TAS2R42: variants seen among roughly 807,000 people sequenced by gnomAD.
TAS2R42 encodes the protein taste receptor type 2 member 42.
For missense variants in TAS2R42, 356 were observed against 356.9 expected (o/e 1.00, Z 0.02); for synonymous variants, 138 against 133.0 (o/e 1.04, Z -0.26).
At position 11,186,380 on chromosome 12, in the gene TAS2R42, G is replaced by A; in HGVS notation, c.558C>T (p.Ser186=). Residue 186 remains serine, a synonymous_variant, in exon 1 of 1, where the codon AGC becomes AGT. Coordinates refer to ENST00000334266, the MANE Select transcript of TAS2R42 (RefSeq NM_181429.2). ...GAGAAAAGGGGATAAAACTGGTCAA[G>A]CTGAGAAGAGTTTTTAAAATAGAGA... ...DKLSILKTLL[S]LTSFIPFSLF... 6.2e-7 allele frequency: 1 copy of A among 1,608,370 alleles called. No homozygotes were observed. Among genetic ancestry groups the A allele is most frequent in the Non-Finnish European group, 8.5e-7 (1 of 1,176,030 alleles).
At position 11,186,536 on chromosome 12, in the gene TAS2R42, A is replaced by G. The variant is rs188180150; in HGVS notation, c.402T>C (p.Leu134=). ...AAATCAGTAAGAACAAAGACAATAT[A>G]AGAAGCATAACAATCATTCCGTTCA... ...WRMNGMIVML[L]ILSLFLLIFD... is the part of the protein sequence containing the mutation. The change falls in exon 1 of 1, where the codon CTT becomes CTC. Residue 134 remains leucine (L), a synonymous_variant. Coordinates refer to ENST00000334266, the MANE Select transcript of TAS2R42 (RefSeq NM_181429.2). 2 of 1,613,882 alleles carry G rather than the reference A, an allele frequency of 1.2e-6. No homozygotes were observed. The highest frequency in any genetic ancestry group is 2.2e-5 in the East Asian group (1 of 44,860).
In TAS2R42 at chr12:11,186,825, T is replaced by C. The variant is rs1948030533; in HGVS notation, c.113A>G (p.Asn38Ser). ...GAAGTCAGCTGAGAAGACCTTTTGG[T>C]TCTTGATCCCTTCAGAGCAGTTTAC... The part of the protein sequence containing the change: ...GLVNCSEGIK[N>S]QKVFSADFIL... Residue 38 changes from asparagine to serine, a missense_variant, in exon 1 of 1, where the codon AAC (asparagine) becomes AGC (serine). Transcript: ENST00000334266. 1 of 1,614,122 alleles carries C rather than the reference T, an allele frequency of 6.2e-7. No individual in the cohort carries two copies. Among genetic ancestry groups the C allele is most frequent in the Non-Finnish European group, 8.5e-7 (1 of 1,179,986 alleles).
chr12:11,186,004 A>G lies in TAS2R42; in HGVS notation c.934T>C (p.Leu312=). 2 of 1,597,120 alleles carry G rather than the reference A, an allele frequency of 1.3e-6. No individual in the cohort carries two copies. The highest frequency in any genetic ancestry group is 2.3e-5 in the South Asian group (2 of 88,244). The change falls in exon 1 of 1, where the codon TTA becomes CTA. Residue 312 remains leucine, a synonymous_variant. Transcript: ENST00000334266. ...LRNYTKTPNP[L]PL is the part of the protein sequence containing the mutation. ...TCTGTAAAGTCTGTCTACAAAGGTAAAGGGTTTGGTGTTTTTGTATAGTTC... is the reference window on the plus strand; with the variant it reads ...TCTGTAAAGTCTGTCTACAAAGGTAGAGGGTTTGGTGTTTTTGTATAGTTC...
In TAS2R42 at chr12:11,186,184, C is replaced by A; in HGVS notation, c.754G>T (p.Val252Leu). The change falls in exon 1 of 1, where the codon GTG becomes TTG. Residue 252 changes from valine (V) to leucine (L), a missense_variant. Val to Leu is a conservative substitution (Grantham distance 32, BLOSUM62 1). Transcript: ENST00000334266. ...LFIVHFFSLQ[V>L]ANWIFFMLWN... ...AACATAAAAAATATCCAATTGGCCA[C>A]TTGTAAGGAAAAAAAATGAACTATG... 1 of 1,613,160 alleles carries A rather than the reference C, an allele frequency of 6.2e-7. No homozygotes were observed. The highest frequency in any genetic ancestry group is 8.5e-7 in the Non-Finnish European group (1 of 1,179,718).
At position 11,186,008 on chromosome 12, in the gene TAS2R42, G is replaced by A. The variant is rs1669411; in HGVS notation, c.930C>T (p.Asn310=). The A allele has an allele frequency of 0.17, 270,445 of 1,601,266 alleles. 29,573 individuals carry two copies. Among genetic ancestry groups the A allele is most frequent in the African/African-American group, 0.55 (40,426 of 73,942 alleles). The part of the protein sequence containing the change: ...WHLRNYTKTP[N]PLPL ...TAAAGTCTGTCTACAAAGGTAAAGG[G>A]TTTGGTGTTTTTGTATAGTTCCTAA... The change falls in exon 1 of 1, where the codon AAC becomes AAT. Residue 310 remains asparagine, a synonymous_variant. Coordinates refer to ENST00000334266, the MANE Select transcript of TAS2R42 (RefSeq NM_181429.2).
In TAS2R42 at chr12:11,186,534, A is replaced by G. The variant is rs1473177952; in HGVS notation, c.404T>C (p.Ile135Thr). 1.2e-6 allele frequency: 2 copies of G among 1,613,746 alleles called. No homozygotes were observed. Among genetic ancestry groups the G allele is most frequent in the African/African-American group, 1.3e-5 (1 of 74,912 alleles). The part of the protein sequence containing the change: ...RMNGMIVMLL[I>T]LSLFLLIFDS... ...AAAAATCAGTAAGAACAAAGACAAT[A>G]TAAGAAGCATAACAATCATTCCGTT... The change falls in exon 1 of 1, where the codon ATA becomes ACA. Residue 135 changes from isoleucine to threonine, a missense_variant. Ile to Thr is a moderately conservative substitution (Grantham distance 89, BLOSUM62 -1). Coordinates refer to ENST00000334266, the MANE Select transcript of TAS2R42 (RefSeq NM_181429.2).
In TAS2R42 at chr12:11,185,993, C is replaced by T; in HGVS notation, c.945G>A (p.Ter315=). The change falls in exon 1 of 1, where the codon TAG becomes TAA. Residue 315 remains the stop codon, a stop_retained_variant. Transcript: ENST00000334266. ...YTKTPNPLPL[*] ...TTAGAAAAGCTTCTGTAAAGTCTGT[C>T]TACAAAGGTAAAGGGTTTGGTGTTT... 10 of 1,570,716 alleles carry T rather than the reference C, an allele frequency of 6.4e-6. No individual in the cohort carries two copies. Among genetic ancestry groups the T allele is most frequent in the Non-Finnish European group, 8.6e-6 (10 of 1,158,664 alleles).
At position 11,186,123 on chromosome 12, in the gene TAS2R42, G is replaced by A. The variant is rs1400917860; in HGVS notation, c.815C>T (p.Ala272Val). ...GTGGCACGAGGGAAAGGCATTTAAG[G>A]CTAACATGACAAACTTTATGCACTT... ...NNKCIKFVML[A>V]LNAFPSCHSF... The change falls in exon 1 of 1, where the codon GCC becomes GTC. Residue 272 changes from alanine to valine, a missense_variant. Ala to Val is a moderately conservative substitution (Grantham distance 64). Coordinates refer to ENST00000334266, the MANE Select transcript of TAS2R42 (RefSeq NM_181429.2). The A allele has an allele frequency of 1.9e-6, 3 of 1,613,776 alleles. No homozygotes were observed. Among genetic ancestry groups the A allele is most frequent in the Non-Finnish European group, 2.5e-6 (3 of 1,179,894 alleles).
At position 11,186,291 on chromosome 12, in the gene TAS2R42, A is replaced by G. The variant is rs955908428; in HGVS notation, c.647T>C (p.Leu216Pro). The G allele has an allele frequency of 6.2e-7, 1 of 1,614,064 alleles. No homozygotes were observed. The highest frequency in any genetic ancestry group is 8.5e-7 in the Non-Finnish European group (1 of 1,180,004). The change falls in exon 1 of 1, where the codon CTC becomes CCC. Residue 216 changes from leucine to proline, a missense_variant. Physicochemically the swap from Leu to Pro is moderately conservative, Grantham distance 98 (BLOSUM62 -3). Coordinates refer to ENST00000334266, the MANE Select transcript of TAS2R42 (RefSeq NM_181429.2). ...SLVRHTRNLK[L>P]SSLGSRDSST... Reference sequence around the variant, plus strand: ...GGAGTCTCTAGAGCCCAAGGAACTGAGCTTCAAATTTCTAGTATGTCTCAC... The same window carrying G: ...GGAGTCTCTAGAGCCCAAGGAACTGGGCTTCAAATTTCTAGTATGTCTCAC...
chr12:11,186,195 A>G lies in TAS2R42; in HGVS notation c.743T>C (p.Phe248Ser), dbSNP rs769137067. 1.2e-6 allele frequency: 2 copies of G among 1,613,672 alleles called. No homozygotes were observed. Among genetic ancestry groups the G allele is most frequent in the Admixed American group, 3.3e-5 (2 of 59,896 alleles). Residue 248 changes from phenylalanine (F) to serine (S), a missense_variant, in exon 1 of 1, where the codon TTT (phenylalanine) becomes TCT (serine). Physicochemically the swap from Phe to Ser is radical, Grantham distance 155. Coordinates refer to ENST00000334266, the MANE Select transcript of TAS2R42 (RefSeq NM_181429.2). ...TATCCAATTGGCCACTTGTAAGGAA[A>G]AAAAATGAACTATGAAGAGGAAAAG... is the stretch of plus-strand genomic sequence containing the variant. ...SFLFLFIVHF[F>S]SLQVANWIFF...
At position 11,186,765 on chromosome 12, in the gene TAS2R42, T is replaced by C; in HGVS notation, c.173A>G (p.Gln58Arg). The change falls in exon 1 of 1, where the codon CAA (glutamine) becomes CGA (arginine). Residue 58 changes from glutamine (Q) to arginine (R), a missense_variant. Gln to Arg is a conservative substitution (Grantham distance 43). Coordinates refer to ENST00000334266, the MANE Select transcript of TAS2R42 (RefSeq NM_181429.2). Reference protein sequence around the residue: ...LTCLAISTIGQLLVILFDSFL... With the variant: ...LTCLAISTIGRLLVILFDSFL... ...TGAATCAAACAGTATCACCAACAGTTGTCCAATTGTGGAGATAGCCAAGCA... is the reference window on the plus strand; with the variant it reads ...TGAATCAAACAGTATCACCAACAGTCGTCCAATTGTGGAGATAGCCAAGCA... The C allele has an allele frequency of 1.9e-6, 3 of 1,614,078 alleles. No homozygotes were observed. Among genetic ancestry groups the C allele is most frequent in the Non-Finnish European group, 2.5e-6 (3 of 1,179,992 alleles).
chr12:11,186,340 A>G lies in TAS2R42; in HGVS notation c.598T>C (p.Leu200=), dbSNP rs148952208. ...ACCAAGGACAGAAATAAAAAAAGCAAGGAGGTCAGGAACAGAGAAAAGGGG... is the reference window on the plus strand; with the variant it reads ...ACCAAGGACAGAAATAAAAAAAGCAGGGAGGTCAGGAACAGAGAAAAGGGG... ...FIPFSLFLTS[L]LFLFLSLVRH... The change falls in exon 1 of 1, where the codon TTG becomes CTG. Residue 200 remains leucine (L), a synonymous_variant. Coordinates refer to ENST00000334266, the MANE Select transcript of TAS2R42 (RefSeq NM_181429.2). 1.9e-6 allele frequency: 3 copies of G among 1,613,788 alleles called. No individual in the cohort carries two copies. Among genetic ancestry groups the G allele is most frequent in the Non-Finnish European group, 2.5e-6 (3 of 1,179,834 alleles).
At chr12:11,186,457 T>A in the TAS2R42 span, 1 of 1,606,236 alleles carries the variant, frequency 6.2e-7, no homozygotes, top group Non-Finnish European at 8.5e-7. Flanking sequence ...AGATTACTTT[T>A]ATCTATTATA....
the TAS2R42 span, chr12:11,186,192 G>GA: frequency 1.5e-5 from 24 of 1,610,962 alleles, no homozygotes; most frequent in South Asian, 2.2e-5. Flanking sequence ...CACTTGTAAG[G>GA]AAAAAAAATG....
In TAS2R42 at chr12:11,186,733, C is replaced by T. The variant is rs1948029637; in HGVS notation, c.205G>A (p.Val69Met). Residue 69 changes from valine (V) to methionine (M), a missense_variant, in exon 1 of 1, where the codon GTG becomes ATG. By Grantham distance (21) the Val-to-Met change is conservative. Coordinates refer to ENST00000334266, the MANE Select transcript of TAS2R42 (RefSeq NM_181429.2). ...LLVILFDSFL[V>M]GLASHLYTTY... ...GTATATAAATGTGAAGCAAGTCCCA[C>T]TAGAAATGAATCAAACAGTATCACC... The T allele has an allele frequency of 6.2e-7, 1 of 1,614,068 alleles. No individual in the cohort carries two copies. Among genetic ancestry groups the T allele is most frequent in the Non-Finnish European group, 8.5e-7 (1 of 1,180,008 alleles).
At chr12:11,186,713 TA>T in the TAS2R42 span, 1 of 1,614,134 alleles carries the variant, frequency 6.2e-7, no homozygotes, top group South Asian at 1.1e-5. Flanking sequence ...ATGTGGTATA[TA>T]AATGTGAAGC....
chr12:11,186,308 A>T lies in TAS2R42; in HGVS notation c.630T>A (p.His210Gln), dbSNP rs1369943948. The T allele has an allele frequency of 6.8e-6, 11 of 1,613,948 alleles. No homozygotes were observed. The highest frequency in any genetic ancestry group is 3.4e-6 in the Non-Finnish European group (4 of 1,180,008). Residue 210 changes from histidine to glutamine, a missense_variant, in exon 1 of 1, where the codon CAT becomes CAA. His to Gln is a conservative substitution (Grantham distance 24, BLOSUM62 0). Transcript: ENST00000334266. ...AGGAACTGAGCTTCAAATTTCTAGT[A>T]TGTCTCACCAAGGACAGAAATAAAA... The part of the protein sequence containing the change: ...LLFLFLSLVR[H>Q]TRNLKLSSLG...
rs374668212 is a variant in TAS2R42, at chr12:11,186,116, A to G, written c.822T>C (p.Asn274=). The G allele has an allele frequency of 6.8e-6, 11 of 1,613,924 alleles. No individual in the cohort carries two copies. Among genetic ancestry groups the G allele is most frequent in the Admixed American group, 5.0e-5 (3 of 59,978 alleles). Residue 274 remains asparagine (N), a synonymous_variant, in exon 1 of 1, where the codon AAT becomes AAC. Transcript: ENST00000334266. ...KCIKFVMLAL[N]AFPSCHSFIL... is the part of the protein sequence containing the mutation. ...TAAATGAGTGGCACGAGGGAAAGGCATTTAAGGCTAACATGACAAACTTTA... is the reference window on the plus strand; with the variant it reads ...TAAATGAGTGGCACGAGGGAAAGGCGTTTAAGGCTAACATGACAAACTTTA...
Position 11,186,333 on chromosome 12 carries a change from A to G in TAS2R42, c.605T>C (p.Phe202Ser), listed in dbSNP as rs1361530752. The G allele has an allele frequency of 1.9e-6, 3 of 1,613,970 alleles. No individual in the cohort carries two copies. The highest frequency in any genetic ancestry group is 2.7e-5 in the African/African-American group (2 of 74,942). ...PFSLFLTSLLFLFLSLVRHTR... is the reference protein window; with the variant it reads ...PFSLFLTSLLSLFLSLVRHTR... ...ATGTCTCACCAAGGACAGAAATAAAAAAAGCAAGGAGGTCAGGAACAGAGA... is the reference window on the plus strand; with the variant it reads ...ATGTCTCACCAAGGACAGAAATAAAGAAAGCAAGGAGGTCAGGAACAGAGA... The change falls in exon 1 of 1, where the codon TTT becomes TCT. Residue 202 changes from phenylalanine to serine, a missense_variant. Transcript: ENST00000334266.
Sources: gnomAD v4.1 joint callset for allele counts on GRCh38, gnomAD v4.1.1 for gene constraint, MANE v1.5 for transcripts, NCBI Gene and HGNC (gene_info 2026-07-23, HGNC 2026-07-21) for gene names.